The following IGSF6 variants were observed in gnomAD, a reference collection of about 807,000 sequenced individuals.
The protein encoded by IGSF6 is down-regulated by activation (immunoglobulin superfamily).
IGSF6 carries 23 observed loss-of-function variants against 24.7 expected under a neutral mutation model. The ratio of observed to expected loss-of-function variants is 0.93; its 90% CI spans 0.67 to 1.32. The LOEUF (loss-of-function observed/expected upper bound fraction) is 1.32, where lower values mean the gene tolerates loss of function less well. Among genes scored for constraint, IGSF6 ranks in the 40% most tolerant of loss-of-function variants. The pLI is 0.00. For synonymous variants in IGSF6, 110 were observed against 113.7 expected, an observed-to-expected ratio of 0.97 and a Z score of 0.21; for missense variants, 295 against 293.6, an observed-to-expected ratio of 1.00 and a Z score of -0.04.
chr16:21,652,112 C>G (rs117496868), intron 1 of IGSF6: 3,666 of 152,716 alleles, frequency 0.024, 62 homozygotes, highest in Non-Finnish European at 0.036. Context: ...TATGGGATGG[C>G]TATTGGAGTC....
intron 2 of IGSF6, chr16:21,646,425 C>G (rs368603238): frequency 3.7e-4 from 56 of 152,562 alleles, no homozygotes; most frequent in African/African-American, 1.3e-3. Flanking sequence ...ATTTATTGAT[C>G]TTTTACACTT....
In IGSF6 at chr16:21,639,743, G is replaced by A. The variant is rs1347994934; in HGVS notation, c.*1791C>T. 6.6e-6 allele frequency: 1 copy of A among 152,068 alleles called. No individual in the cohort carries two copies. The highest frequency in any genetic ancestry group is 1.9e-4 in the East Asian group (1 of 5,190). 9.4% of individuals were successfully genotyped at this position (152,068 alleles called of 1,614,324 possible). On this transcript the variant is annotated 3_prime_UTR_variant, in exon 6 of 6. Coordinates refer to ENST00000268389, the MANE Select transcript of IGSF6 (RefSeq NM_005849.4). ...CACACAGATACACACAAAAAAATGAGGTTCCATGCTGCCTCCTTTCCCCTG... is the reference window on the plus strand; with the variant it reads ...CACACAGATACACACAAAAAAATGAAGTTCCATGCTGCCTCCTTTCCCCTG...
Position 21,639,916 on chromosome 16 carries a change from A to G in IGSF6, c.*1618T>C, listed in dbSNP as rs1339914488. On this transcript the variant is annotated 3_prime_UTR_variant, in exon 6 of 6. Coordinates refer to ENST00000268389, the MANE Select transcript of IGSF6 (RefSeq NM_005849.4). ...CCTTAGGCAATACCAGTTTAAAAGA[A>G]ACACTTTATTTTATTTATTTATTTA... The G allele has an allele frequency of 6.6e-6, 1 of 150,490 alleles. No individual in the cohort carries two copies. Among genetic ancestry groups the G allele is most frequent in the Non-Finnish European group, 1.5e-5 (1 of 67,754 alleles). 9.3% of individuals were successfully genotyped at this position (150,490 alleles called of 1,614,324 possible). A position where few individuals can be genotyped will look rare whatever the true frequency, so the allele number is the denominator to read the frequency against.
intron 5 of IGSF6, among the ~76,000 whole-genome samples, 197 bp downstream of exon 5, chr16:21,642,877 G>C (rs1315327792): frequency 2.0e-5 from 3 of 152,118 alleles, no homozygotes; most frequent in Non-Finnish European, 4.4e-5. Context: ...CCAGCCTGGG[G>C]CTATTTAATA....
Position 21,641,436 on chromosome 16 carries a change from C to A in IGSF6, c.*98G>T. The A allele has an allele frequency of 1.7e-6, 1 of 583,748 alleles. No individual in the cohort carries two copies. Among genetic ancestry groups the A allele is most frequent in the Non-Finnish European group, 2.9e-6 (1 of 341,980 alleles). The allele number at this position is 583,748 out of a possible 1,614,324, so 36.2% of individuals were successfully genotyped here. On this transcript the variant is annotated 3_prime_UTR_variant, in exon 6 of 6. Coordinates refer to ENST00000268389, the MANE Select transcript of IGSF6 (RefSeq NM_005849.4). ...GTAGCCAGTTGTCTTTTCAGTTTAC[C>A]TTTATTTTTTTTTAAGACCTGATGA... is the stretch of plus-strand genomic sequence containing the variant.
chr16:21,641,523 T>A lies in IGSF6; in HGVS notation c.*11A>T. ...GGATTTTCAGTGACTTCATTGAAAA[T>A]TAAAACGTTTCTATGGCCTTTCATA... On this transcript the variant is annotated 3_prime_UTR_variant, in exon 6 of 6. Transcript: ENST00000268389. 1 of 1,554,824 alleles carries A rather than the reference T, an allele frequency of 6.4e-7. No individual in the cohort carries two copies. The highest frequency in any genetic ancestry group is 8.8e-7 in the Non-Finnish European group (1 of 1,132,616).
At chr16:21,648,216 TTTATC>T (rs1201091920) in intron 1 of IGSF6, among the ~76,000 whole-genome samples, 2 of 152,166 alleles carry the variant, frequency 1.3e-5, no homozygotes, top group African/African-American at 4.8e-5. Flanking sequence ...CCTTGTAGCA[TTTATC>T]TTATTTAATT....
chr16:21,651,693 A>C (rs1429545197), intron 1 of IGSF6, among the ~76,000 whole-genome samples: 1 of 152,056 alleles, frequency 6.6e-6, no homozygotes, highest in Non-Finnish European at 1.5e-5. Context: ...CTTCGACCCA[A>C]TCTTGTTTCT....
At chr16:21,649,148 G>A (rs1190045646) in intron 1 of IGSF6, among the ~76,000 whole-genome samples, 1 of 152,008 alleles carries the variant, frequency 6.6e-6, no homozygotes, top group Non-Finnish European at 1.5e-5. Flanking sequence ...CTGCAGCACT[G>A]TGCCCAGCTA....
rs1462759100 is a variant in IGSF6, at chr16:21,640,952, C to T, written c.*582G>A. ...CAGCTTTGGATTTTCTGTATTTTGG[C>T]TTTTATGGTCTTACTCTAGCCACTA... On this transcript the variant is annotated 3_prime_UTR_variant, in exon 6 of 6. Coordinates refer to ENST00000268389, the MANE Select transcript of IGSF6 (RefSeq NM_005849.4). The T allele has an allele frequency of 1.3e-5, 2 of 152,042 alleles. No homozygotes were observed. The highest frequency in any genetic ancestry group is 4.8e-5 in the African/African-American group (2 of 41,388). The allele number at this position is 152,042 out of a possible 1,614,324, so 9.4% of individuals were successfully genotyped here. A position where few individuals can be genotyped will look rare whatever the true frequency, so the allele number is the denominator to read the frequency against.
intron 2 of IGSF6, 34 bp from the exon 3 acceptor site, chr16:21,644,430 T>C (rs1325171206): frequency 7.1e-7 from 1 of 1,408,032 alleles, no homozygotes; most frequent in Admixed American, 1.7e-5. Flanking sequence ...GCACATTGAC[T>C]ATTAAAGCCT....
In IGSF6 at chr16:21,641,453, A is replaced by G; in HGVS notation, c.*81T>C. ...CAGTTTACCTTTATTTTTTTTTAAGACCTGATGATATATGTTCATTAACAC... is the reference window on the plus strand; with the variant it reads ...CAGTTTACCTTTATTTTTTTTTAAGGCCTGATGATATATGTTCATTAACAC... On this transcript the variant is annotated 3_prime_UTR_variant, in exon 6 of 6. Coordinates refer to ENST00000268389, the MANE Select transcript of IGSF6 (RefSeq NM_005849.4). 1 of 685,164 alleles carries G rather than the reference A, an allele frequency of 1.5e-6. No homozygotes were observed. Among genetic ancestry groups the G allele is most frequent in the Non-Finnish European group, 2.4e-6 (1 of 409,392 alleles). The allele number at this position is 685,164 out of a possible 1,614,324, so 42.4% of individuals were successfully genotyped here. A position where few individuals can be genotyped will look rare whatever the true frequency, so the allele number is the denominator to read the frequency against.
rs780187678 is a variant in IGSF6 at position 21,643,197 on chromosome 16, T to G, written c.586-43A>C. 2.8e-6 allele frequency: 4 copies of G among 1,423,492 alleles called. No homozygotes were observed. In the Admixed American group the frequency reaches 7.0e-5, roughly 25 times the overall value. 88.2% of individuals were successfully genotyped at this position (1,423,492 alleles called of 1,614,324 possible). The stretch of plus-strand genomic sequence containing the variant: ...AAAAAAAAATTCTCTTTTGGGAATA[T>G]AAGCGATGATAACGACGCATCATCA... On this transcript the variant is annotated intron_variant, in intron 4 of 5. Transcript: ENST00000268389.
intron 1 of IGSF6, among the ~76,000 whole-genome samples, chr16:21,647,969 A>T (rs1167823968): frequency 2.0e-5 from 3 of 152,194 alleles, no homozygotes; most frequent in South Asian, 2.1e-4. Context: ...AGCAGCAGCG[A>T]TGTTTGTGCT....
At chr16:21,642,967 G>C in intron 5 of IGSF6, 107 bp downstream of exon 5, 1 of 685,420 alleles carries the variant, frequency 1.5e-6, no homozygotes, top group Admixed American at 2.4e-5. Context: ...TTCTCTTTCA[G>C]ACTCTTCTGA....
intron 5 of IGSF6, among the ~76,000 whole-genome samples, chr16:21,642,577 T>A (rs1291861138): frequency 2.6e-5 from 4 of 152,200 alleles, no homozygotes; most frequent in African/African-American, 9.6e-5. Context: ...GTATTATAGA[T>A]ATACATGTAT....
In IGSF6 at chr16:21,640,350, T is replaced by C. The variant is rs1324464942; in HGVS notation, c.*1184A>G. 1 of 152,134 alleles carries C rather than the reference T, an allele frequency of 6.6e-6. No individual in the cohort carries two copies. The highest frequency in any genetic ancestry group is 1.5e-5 in the Non-Finnish European group (1 of 68,012). 9.4% of individuals were successfully genotyped at this position (152,134 alleles called of 1,614,324 possible). A position where few individuals can be genotyped will look rare whatever the true frequency, so the allele number is the denominator to read the frequency against. ...AGATTTTTTTATACCAAAGTAGCTT[T>C]CAAAGGACAATTTATATCATGTTTT... On this transcript the variant is annotated 3_prime_UTR_variant, in exon 6 of 6. Coordinates refer to ENST00000268389, the MANE Select transcript of IGSF6 (RefSeq NM_005849.4).
chr16:21,642,163 A>T (rs1966288938), intron 5 of IGSF6: 1 of 152,194 alleles, frequency 6.6e-6, no homozygotes, highest in African/African-American at 2.4e-5. Flanking sequence ...ATATTTTTTT[A>T]AAAAGAAAAC....
In IGSF6 at chr16:21,647,428, A is replaced by G. The variant is rs1966460031; in HGVS notation, c.132T>C (p.His44=). The G allele has an allele frequency of 1.2e-6, 2 of 1,613,970 alleles. No homozygotes were observed. Among genetic ancestry groups the G allele is most frequent in the South Asian group, 1.1e-5 (1 of 91,084 alleles). The change falls in exon 2 of 6, where the codon CAT becomes CAC. Residue 44 remains histidine (H), a synonymous_variant. Transcript: ENST00000268389. The part of the protein sequence containing the change: ...QPWYLEVDYT[H]EAVTIKCTFS... ...AGGTACACTTTATGGTGACGGCCTCATGAGTGTAGTCCACTTCTAGGTACC... is the reference window on the plus strand; with the variant it reads ...AGGTACACTTTATGGTGACGGCCTCGTGAGTGTAGTCCACTTCTAGGTACC...
Sources: allele counts gnomAD v4.1 joint callset (sites outside exome capture counted in the v4.1 genomes callset), GRCh38; gene constraint gnomAD v4.1.1; transcripts MANE v1.5; gene names NCBI Gene and HGNC (gene_info 2026-07-23, HGNC 2026-07-21).